ENTPD5: variants seen among roughly 807,000 people sequenced by gnomAD.
ENTPD5 encodes the protein nucleoside diphosphate phosphatase ENTPD5.
ENTPD5 carries 49 observed loss-of-function variants against 60.2 expected under a neutral mutation model. That is an observed-to-expected ratio of 0.81 (90% confidence interval 0.65 to 1.03). ENTPD5 has a LOEUF of 1.03. Ranked by LOEUF, ENTPD5 falls within the 50% of genes least tolerant of loss-of-function variation. The pLI is 0.00. For missense variants in ENTPD5, 480 were observed against 507.6 expected, an observed-to-expected ratio of 0.95 and a Z score of 0.52; for synonymous variants, 187 against 185.4, an observed-to-expected ratio of 1.01 and a Z score of -0.07.
chr14:73,973,960 A>G lies in ENTPD5; in HGVS notation c.803T>C (p.Phe268Ser), dbSNP rs758838108. 6.8e-6 allele frequency: 11 copies of G among 1,614,042 alleles called. No individual in the cohort carries two copies. The highest frequency in any genetic ancestry group is 6.7e-5 in the African/African-American group (5 of 74,940). ...LETEGTDGHT[F>S]RSACLPRWLE... Reference sequence around the variant, plus strand: ...CCATCTCGGTAAACAGGCACTCCGGAAAGTGTGCCCATCAGTCCCTGAAAG... The same window carrying G: ...CCATCTCGGTAAACAGGCACTCCGGGAAGTGTGCCCATCAGTCCCTGAAAG... The change falls in exon 12 of 16, where the codon TTC becomes TCC. Residue 268 changes from phenylalanine to serine, a missense_variant. Coordinates refer to ENST00000334696, the MANE Select transcript of ENTPD5 (RefSeq NM_001249.5).
chr14:73,968,816 CCTGATGTAATAGAGCCTAGACA>C (rs1437078801), intron 15 of ENTPD5, among the ~76,000 whole-genome samples: 1 of 152,116 alleles, frequency 6.6e-6, no homozygotes, highest in Non-Finnish European at 1.5e-5. Context: ...TCTGTGTTGA[CCTGATGTAATAGAGCCTAGACA>C]CTGTGCCCAA....
intron 3 of ENTPD5, chr14:73,996,210 C>A: frequency 2.0e-6 from 2 of 985,338 alleles, no homozygotes; most frequent in Non-Finnish European, 2.4e-6. Flanking sequence ...GCCTCATGAA[C>A]CGCATTCACC....
chr14:73,975,995 A>G lies in ENTPD5; in HGVS notation c.663T>C (p.Pro221=), dbSNP rs2057427931. Residue 221 remains proline, a synonymous_variant, in exon 10 of 16, where the codon CCT becomes CCC. Transcript: ENST00000334696. ...PQFEKTLEQT[P]RGYLTSFEMF... is the part of the protein sequence containing the mutation. Reference sequence around the variant, plus strand: ...TCTCAAAGGAAGTGAGGTAGCCCCTAGGAGTTTGTTCCAGAGTTTTCTGCA... The same window carrying G: ...TCTCAAAGGAAGTGAGGTAGCCCCTGGGAGTTTGTTCCAGAGTTTTCTGCA... 1 of 1,613,462 alleles carries G rather than the reference A, an allele frequency of 6.2e-7. No individual in the cohort carries two copies.
At chr14:73,958,738 G>C, downstream of ENTPD5, 1 of 1,431,570 alleles carries the variant, frequency 7.0e-7, no homozygotes, top group Admixed American at 2.5e-5. Flanking sequence ...GCCTGGCTGA[G>C]TTTAACTCAT....
intron 3 of ENTPD5, among the ~76,000 whole-genome samples, chr14:74,001,059 A>G (rs2058491209): frequency 1.3e-5 from 2 of 152,036 alleles, no homozygotes; most frequent in Non-Finnish European, 2.9e-5. Context: ...TATCCGTATA[A>G]AAATTAAAAA....
downstream of ENTPD5, chr14:73,959,026 T>C (rs775023177): frequency 6.2e-7 from 1 of 1,614,208 alleles, no homozygotes; most frequent in South Asian, 1.1e-5. Context: ...ATCCAGAATG[T>C]GAGCTGGAAC....
At chr14:74,007,640 C>G (rs897282226) in intron 3 of ENTPD5, 1 of 151,612 alleles carries the variant, frequency 6.6e-6, no homozygotes, top group Non-Finnish European at 1.5e-5. Flanking sequence ...GTCAATAAAA[C>G]TAATAAAAAG....
intron 1 of ENTPD5, among the ~76,000 whole-genome samples, chr14:74,017,057 G>A (rs1026046859): frequency 7.2e-5 from 11 of 152,202 alleles, no homozygotes; most frequent in Admixed American, 1.3e-4. Flanking sequence ...GGTGGCTCAC[G>A]CCTGTAATCC....
chr14:73,955,905 C>G, downstream of ENTPD5: 3 of 1,614,158 alleles, frequency 1.9e-6, no homozygotes, highest in Non-Finnish European at 2.5e-6. Context: ...CATGCTCTCA[C>G]TAAGCAGTTG....
chr14:73,988,870 C>G (rs779008731), intron 3 of ENTPD5, among the ~76,000 whole-genome samples: 12 of 152,172 alleles, frequency 7.9e-5, no homozygotes, highest in Non-Finnish European at 1.6e-4. Context: ...GTCGCCCAGG[C>G]TGGAATGCAG....
intron 2 of ENTPD5, 43 bp downstream of exon 2, chr14:74,015,781 C>T (rs576337658): frequency 6.6e-4 from 100 of 152,236 alleles, no homozygotes; most frequent in African/African-American, 2.3e-3. Context: ...CATTCAGGAA[C>T]ATTTGAAATA....
downstream of ENTPD5, chr14:73,960,552 A>G (rs1340584624): frequency 3.0e-6 from 3 of 1,009,220 alleles, no homozygotes; most frequent in Non-Finnish European, 3.6e-6. Flanking sequence ...GCCATTTAGT[A>G]TATATTCCTG....
chr14:74,005,394 T>G (rs932159910), intron 3 of ENTPD5, among the ~76,000 whole-genome samples: 6 of 106,778 alleles, frequency 5.6e-5, no homozygotes, highest in African/African-American at 7.4e-5. Flanking sequence ...ATAGGCAGGG[T>G]TTCACTATGT....
downstream of ENTPD5, chr14:73,961,603 G>C (rs2056738087): frequency 1.9e-6 from 3 of 1,611,066 alleles, no homozygotes; most frequent in Non-Finnish European, 2.5e-6. Flanking sequence ...GAAGTATCCA[G>C]AGGTCATATA....
chr14:73,994,357 C>T (rs2058258120), intron 3 of ENTPD5, among the ~76,000 whole-genome samples: 1 of 151,602 alleles, frequency 6.6e-6, no homozygotes, highest in South Asian at 2.1e-4. Flanking sequence ...GAACTCCTGA[C>T]CTCAGGTGAT....
At chr14:74,003,388 T>A (rs1489859436) in intron 3 of ENTPD5, 3 of 702,468 alleles carry the variant, frequency 4.3e-6, no homozygotes, top group Admixed American at 4.3e-5. Context: ...CTTGGAAACC[T>A]CTGCATCATG....
At position 73,986,801 on chromosome 14, in the gene ENTPD5, A is replaced by C; in HGVS notation, c.297+13T>G. On this transcript the variant is annotated intron_variant, in intron 5 of 15. Transcript: ENST00000334696. Reference sequence around the variant, plus strand: ...GCATTGAGAATCTAAACATCAAATCATAAGAAACTCACCTGCTTAGGTTGA... The same window carrying C: ...GCATTGAGAATCTAAACATCAAATCCTAAGAAACTCACCTGCTTAGGTTGA... 6.2e-7 allele frequency: 1 copy of C among 1,604,334 alleles called. No homozygotes were observed. Among genetic ancestry groups the C allele is most frequent in the Non-Finnish European group, 8.5e-7 (1 of 1,171,466 alleles).
intron 3 of ENTPD5, chr14:73,996,294 ACT>A: frequency 3.5e-6 from 2 of 567,860 alleles, no homozygotes; most frequent in Non-Finnish European, 4.4e-6. Flanking sequence ...CTCCTCCCTT[ACT>A]CTCTTTTTCT....
chr14:73,996,371 C>T (rs970254696), intron 3 of ENTPD5: 11 of 183,160 alleles, frequency 6.0e-5, no homozygotes, highest in Non-Finnish European at 1.1e-4. Context: ...GATTATCGCT[C>T]ATAGGGCGGA....
Sources: gnomAD v4.1 joint callset for allele counts (sites outside exome capture counted in the v4.1 genomes callset) on GRCh38, gnomAD v4.1.1 for gene constraint, MANE v1.5 for transcripts, NCBI Gene and HGNC (gene_info 2026-07-23, HGNC 2026-07-21) for gene names.